PRKAG2: variants seen among roughly 807,000 people sequenced by gnomAD.
PRKAG2 encodes protein kinase AMP-activated non-catalytic subunit gamma 2.
Under a neutral mutation model 69.6 loss-of-function variants are expected in PRKAG2, and 26 were observed. That is an observed-to-expected ratio of 0.37 (90% CI 0.27 to 0.52). PRKAG2 has a LOEUF of 0.52. Among genes scored for constraint, PRKAG2 ranks in the 20% least tolerant of loss-of-function variants. PRKAG2 has a pLI of 0.90. For missense variants in PRKAG2, 557 were observed against 740.0 expected, an observed-to-expected ratio of 0.75 and a Z score of 2.87; for synonymous variants, 293 against 285.0, an observed-to-expected ratio of 1.03 and a Z score of -0.28.
At chr7:151,846,478 T>TA (rs1168105978) in intron 1 of PRKAG2, among the ~76,000 whole-genome samples, 2 of 151,906 alleles carry the variant, frequency 1.3e-5, no homozygotes, top group African/African-American at 2.4e-5. Context: ...AATTTAAAAA[T>TA]AAAAAAATAA....
chr7:151,705,461 C>A (rs1358231001), intron 3 of PRKAG2, among the ~76,000 whole-genome samples: 2 of 152,166 alleles, frequency 1.3e-5, no homozygotes, highest in Non-Finnish European at 2.9e-5. Context: ...GAACACGCAG[C>A]CGGCATCTGG....
At chr7:151,875,663 G>A (rs1335932018) in intron 1 of PRKAG2, among the ~76,000 whole-genome samples, 1 of 150,782 alleles carries the variant, frequency 6.6e-6, no homozygotes, top group East Asian at 2.0e-4. Context: ...GACCCAGTGG[G>A]CCACACCTCC....
chr7:151,639,883 ATCAG>A (rs963038300), intron 4 of PRKAG2, among the ~76,000 whole-genome samples: 102 of 151,884 alleles, frequency 6.7e-4, no homozygotes, highest in African/African-American at 2.0e-3. Flanking sequence ...TCATCCATCT[ATCAG>A]TCAGTCAATC....
intron 1 of PRKAG2, among the ~76,000 whole-genome samples, chr7:151,842,835 T>TTCTGATTGTGAAGGCTTCAGAAC (rs2079344055): frequency 6.6e-6 from 1 of 151,844 alleles, no homozygotes; most frequent in Non-Finnish European, 1.5e-5. Context: ...GGCTTCACAA[T>TTCTGATTGTGAAGGCTTCAGAAC]TCTGATTGTG....
chr7:151,695,550 T>C (rs1430002442), intron 3 of PRKAG2, among the ~76,000 whole-genome samples: 1 of 152,146 alleles, frequency 6.6e-6, no homozygotes, highest in Non-Finnish European at 1.5e-5. Flanking sequence ...GGGAGCACAG[T>C]GGTAGCAGAC....
rs890015717 is a variant in PRKAG2, at chr7:151,632,316, C to T, written c.685-178G>A. ...GGAGCGGGAGCGCTGCCCCCACCCG[C>T]CCGAGGCCGCCGCCGCCGCCGCAGG... On this transcript the variant is annotated intron_variant, in intron 4 of 15. Coordinates refer to ENST00000287878, the MANE Select transcript of PRKAG2 (RefSeq NM_016203.4). This position sits in a 1 kb window ranked among gnomAD's most constrained non-coding sequence, Gnocchi z 4.2. 1.2e-6 allele frequency: 1 copy of T among 833,832 alleles called. No individual in the cohort carries two copies. Among genetic ancestry groups the T allele is most frequent in the Non-Finnish European group, 1.4e-6 (1 of 694,380 alleles). 51.7% of individuals were successfully genotyped at this position (833,832 alleles called of 1,614,324 possible). A position where few individuals can be genotyped will look rare whatever the true frequency, so the allele number is the denominator to read the frequency against.
chr7:151,792,979 G>A (rs1437581911), intron 1 of PRKAG2, among the ~76,000 whole-genome samples: 1 of 152,172 alleles, frequency 6.6e-6, no homozygotes, highest in Non-Finnish European at 1.5e-5. Flanking sequence ...TGTGATCTGC[G>A]ATCTGGGGAA....
intron 15 of PRKAG2, chr7:151,560,176 G>A (rs943272728): frequency 1.2e-5 from 12 of 985,164 alleles, no homozygotes; most frequent in African/African-American, 1.7e-5. Flanking sequence ...AGCCAGTGAC[G>A]TTCCCTCTAT....
chr7:151,805,973 C>G (rs1388619509), intron 1 of PRKAG2, among the ~76,000 whole-genome samples: 2 of 152,206 alleles, frequency 1.3e-5, no homozygotes, highest in Non-Finnish European at 2.9e-5. Flanking sequence ...CCAAGGCAGG[C>G]TGATCACCTG....
intron 1 of PRKAG2, among the ~76,000 whole-genome samples, chr7:151,849,666 G>T (rs1237102909): frequency 6.6e-6 from 1 of 152,114 alleles, no homozygotes; most frequent in African/African-American, 2.4e-5. Flanking sequence ...AGTTCTGAGG[G>T]TCACTGGCTC....
intron 1 of PRKAG2, among the ~76,000 whole-genome samples, chr7:151,798,178 A>G (rs918720248): frequency 4.0e-5 from 6 of 151,542 alleles, no homozygotes; most frequent in Non-Finnish European, 7.4e-5. Context: ...TAATTTTTGT[A>G]TATTTAGTAG....
intron 4 of PRKAG2, among the ~76,000 whole-genome samples, chr7:151,651,719 G>A (rs556667260): frequency 3.2e-4 from 48 of 152,294 alleles, no homozygotes; most frequent in African/African-American, 9.6e-4. Flanking sequence ...TACACACTGC[G>A]GCTAACCTTC....
At chr7:151,795,876 T>TATACATATATATATATATATAC (rs2077496940) in intron 1 of PRKAG2, among the ~76,000 whole-genome samples, 1 of 112,840 alleles carries the variant, frequency 8.9e-6, no homozygotes, top group African/African-American at 3.7e-5. Flanking sequence ...TATATATATA[T>TATACATATATATATATATATAC]ATATATATAT....
intron 1 of PRKAG2, among the ~76,000 whole-genome samples, chr7:151,853,904 C>T (rs555831036): frequency 1.3e-5 from 2 of 152,264 alleles, no homozygotes; most frequent in South Asian, 2.1e-4. Flanking sequence ...GACCCCAAAC[C>T]GAGGCTCCTC....
chr7:151,772,097 C>T (rs945594373), intron 3 of PRKAG2, among the ~76,000 whole-genome samples: 4 of 152,174 alleles, frequency 2.6e-5, no homozygotes, highest in African/African-American at 7.2e-5. Context: ...GACAGTATAT[C>T]CTGTGGGGAA....
In PRKAG2 at chr7:151,576,189, C is replaced by T. The variant is rs1808884821; in HGVS notation, c.946+182G>A. 6 of 664,052 alleles carry T rather than the reference C, an allele frequency of 9.0e-6. No individual in the cohort carries two copies. The South Asian group carries it at 1.0e-4, about 11-fold the overall frequency. The allele number at this position is 664,052 out of a possible 1,614,324, so 41.1% of individuals were successfully genotyped here. On this transcript the variant is annotated intron_variant, in intron 7 of 15. Coordinates refer to ENST00000287878, the MANE Select transcript of PRKAG2 (RefSeq NM_016203.4). ...CTGCTGGGCTCAAGCGATCTCCCTG[C>T]CTTGGCCTCCCAAAGTGCTGAGATT...
chr7:151,586,239 T>C (rs1217348598), intron 6 of PRKAG2, among the ~76,000 whole-genome samples: 1 of 152,202 alleles, frequency 6.6e-6, no homozygotes. Flanking sequence ...TGCCAGGCTC[T>C]GCCAGCCTAC....
chr7:151,784,966 G>A lies in PRKAG2; in HGVS notation c.186+1504C>T, dbSNP rs1237131926. Among the ~76,000 whole-genome samples the A allele has an allele frequency of 2.6e-5, 4 of 152,358 alleles. No homozygotes were observed. In the East Asian group the frequency reaches 7.7e-4, roughly 29 times the overall value. ...GGCGGAGGGACAGGCCTGCTGGGGT[G>A]GGCTGCGTGGCGGTGCAGATAACAG... On this transcript the variant is annotated intron_variant, in intron 2 of 15. Transcript: ENST00000287878.
chr7:151,853,165 G>A (rs1248273476), intron 1 of PRKAG2, among the ~76,000 whole-genome samples: 1 of 152,174 alleles, frequency 6.6e-6, no homozygotes, highest in African/African-American at 2.4e-5. Context: ...GGTGACGATT[G>A]TGACAAGGCC....
Sources: allele counts gnomAD v4.1 joint callset (sites outside exome capture counted in the v4.1 genomes callset), GRCh38; gene constraint gnomAD v4.1.1; non-coding constraint Gnocchi (gnomAD v3.1); transcripts MANE v1.5; gene names NCBI Gene and HGNC (gene_info 2026-07-23, HGNC 2026-07-21).